Variants in LASP1 observed in about 807,000 individuals in gnomAD.
LASP1 encodes LIM and SH3 domain protein 1.
A neutral mutation model predicts 38.6 loss-of-function variants in LASP1; 10 were observed. That is an observed-to-expected ratio of 0.26 (90% CI 0.16 to 0.44). The LOEUF (loss-of-function observed/expected upper bound fraction) is 0.44. Among genes scored for constraint, LASP1 ranks in the 20% least tolerant of loss-of-function variants. LASP1 has a pLI of 1.00. For missense variants in LASP1, 243 were observed against 375.7 expected (o/e 0.65, Z 2.92); for synonymous variants, 132 against 140.8 (o/e 0.94, Z 0.44).
intron 2 of LASP1, among the ~76,000 whole-genome samples, chr17:38,881,698 T>C (rs1344078401): frequency 6.6e-6 from 1 of 152,180 alleles, no homozygotes; most frequent in Admixed American, 6.5e-5. Context: ...GCAGGACCCG[T>C]AGGGGCACGT....
chr17:38,908,440 C>T (rs1003842601), intron 4 of LASP1, among the ~76,000 whole-genome samples: 6 of 152,202 alleles, frequency 3.9e-5, no homozygotes, highest in South Asian at 2.1e-4. Context: ...GAGTGGGGCT[C>T]GGGAGACTCA....
At chr17:38,915,003 G>T in intron 5 of LASP1, 40 bp from the exon 6 acceptor site, 2 of 1,598,222 alleles carry the variant, frequency 1.3e-6, no homozygotes, top group Non-Finnish European at 1.7e-6. Context: ...GCTGGGTTTG[G>T]CAGGACAGTT....
At chr17:38,889,361 ACCTCGTGATCTG>A (rs1813133648) in intron 2 of LASP1, among the ~76,000 whole-genome samples, 1 of 151,964 alleles carries the variant, frequency 6.6e-6, no homozygotes, top group Non-Finnish European at 1.5e-5. Context: ...TGAACTCCTG[ACCTCGTGATCTG>A]CCCGCCTCGG....
chr17:38,870,166 C>T lies in LASP1; in HGVS notation c.-24C>T. 4 of 1,612,832 alleles carry T rather than the reference C, an allele frequency of 2.5e-6. No homozygotes were observed. The highest frequency in any genetic ancestry group is 3.4e-6 in the Non-Finnish European group (4 of 1,179,686). ...CAGGACGCGCGTGAGCTCAGGCGTC[C>T]CCGCCCCAGCTTTTCTCGGAACCAT... On this transcript the variant is annotated 5_prime_UTR_variant, in exon 1 of 7. Coordinates refer to ENST00000318008, the MANE Select transcript of LASP1 (RefSeq NM_006148.4).
Position 38,901,453 on chromosome 17 carries a change from G to A in LASP1, c.357+2934G>A, listed in dbSNP as rs535811841. Among the ~76,000 whole-genome samples, 42 of 152,346 alleles carry A rather than the reference G, an allele frequency of 2.8e-4. No homozygotes were observed. In the South Asian group the frequency reaches 8.7e-3, roughly 32 times the overall value. On this transcript the variant is annotated intron_variant, in intron 4 of 6. Transcript: ENST00000318008. ...TAGCAGAGACCTGTAGGGTGTGAATGCAAAGCCTGGAGACTCTTGGTTTTA... is the reference window on the plus strand; with the variant it reads ...TAGCAGAGACCTGTAGGGTGTGAATACAAAGCCTGGAGACTCTTGGTTTTA...
chr17:38,870,263 G>A lies in LASP1; in HGVS notation c.69+5G>A. 2 of 1,613,520 alleles carry A rather than the reference G, an allele frequency of 1.2e-6. No homozygotes were observed. The highest frequency in any genetic ancestry group is 1.7e-6 in the Non-Finnish European group (2 of 1,179,638). On this transcript the variant is annotated splice_donor_5th_base_variant and intron_variant, in intron 1 of 6. Coordinates refer to ENST00000318008, the MANE Select transcript of LASP1 (RefSeq NM_006148.4). ...AAGGTGAACTGTCTGGATAAGGTGA[G>A]CCCGGGACCGGGAGACGCGTCTTTG...
At chr17:38,893,086 G>T (rs1410925207) in intron 3 of LASP1, among the ~76,000 whole-genome samples, 1 of 152,242 alleles carries the variant, frequency 6.6e-6, no homozygotes, top group Non-Finnish European at 1.5e-5. Flanking sequence ...TGAAAGAGGG[G>T]CTCTTATTAT....
In LASP1 at chr17:38,914,356, G is replaced by A. The variant is rs199579508; in HGVS notation, c.389G>A (p.Arg130His). The A allele has an allele frequency of 1.3e-5, 21 of 1,611,520 alleles. No individual in the cohort carries two copies. In the Admixed American group the frequency reaches 1.3e-4, roughly 10 times the overall value. ...IKYHEEFEKSRMGPSGGEGME... is the reference protein window; with the variant it reads ...IKYHEEFEKSHMGPSGGEGME... ...TACCATGAGGAGTTTGAGAAGAGCCGCATGGGCCCTAGCGGGGGCGAGGGC... is the reference window on the plus strand; with the variant it reads ...TACCATGAGGAGTTTGAGAAGAGCCACATGGGCCCTAGCGGGGGCGAGGGC... Residue 130 changes from arginine to histidine, a missense_variant, in exon 5 of 7, where the codon CGC becomes CAC. Coordinates refer to ENST00000318008, the MANE Select transcript of LASP1 (RefSeq NM_006148.4).
chr17:38,888,985 G>A, intron 2 of LASP1, among the ~76,000 whole-genome samples: 1 of 152,220 alleles, frequency 6.6e-6, no homozygotes, highest in Non-Finnish European at 1.5e-5. Context: ...TGGCCATGTT[G>A]TTTAACCTCT....
At chr17:38,898,817 T>C (rs1400264242) in intron 4 of LASP1, 1 of 494,436 alleles carries the variant, frequency 2.0e-6, no homozygotes, top group South Asian at 1.5e-5. Context: ...ATATCGTGGG[T>C]ATCGGTGAAG....
At chr17:38,895,370 G>C (rs888882949) in intron 3 of LASP1, among the ~76,000 whole-genome samples, 1 of 151,704 alleles carries the variant, frequency 6.6e-6, no homozygotes, top group Non-Finnish European at 1.5e-5. Flanking sequence ...GCCCAGCCTG[G>C]AGTACAGTGT....
intron 2 of LASP1, among the ~76,000 whole-genome samples, chr17:38,884,783 CG>C (rs1914066114): frequency 6.8e-6 from 1 of 146,560 alleles, no homozygotes; most frequent in African/African-American, 2.5e-5. Context: ...CTCCGCTTCC[CG>C]GGTTCAAGGG....
At chr17:38,903,587 G>A (rs1914701711) in intron 4 of LASP1, 2 of 152,106 alleles carry the variant, frequency 1.3e-5, no homozygotes, top group African/African-American at 2.4e-5. Context: ...GTGTAGTCAC[G>A]TGATCACAGC....
intron 4 of LASP1, among the ~76,000 whole-genome samples, chr17:38,901,463 G>A (rs193035942): frequency 6.6e-6 from 1 of 152,342 alleles, no homozygotes; most frequent in Non-Finnish European, 1.5e-5. Context: ...GCAAAGCCTG[G>A]AGACTCTTGG....
chr17:38,880,720 G>A (rs1047233211), intron 2 of LASP1, among the ~76,000 whole-genome samples: 1 of 152,220 alleles, frequency 6.6e-6, no homozygotes, highest in Non-Finnish European at 1.5e-5. Flanking sequence ...GAAGTTACCC[G>A]TGGGGATTCT....
At chr17:38,913,517 G>T (rs1458286765) in intron 4 of LASP1, among the ~76,000 whole-genome samples, 1 of 152,124 alleles carries the variant, frequency 6.6e-6, no homozygotes, top group Non-Finnish European at 1.5e-5. Flanking sequence ...CAATCCCTTC[G>T]CTTCCTTCTT....
chr17:38,889,234 G>T (rs548829923), intron 2 of LASP1, among the ~76,000 whole-genome samples: 1 of 152,266 alleles, frequency 6.6e-6, no homozygotes, highest in African/African-American at 2.4e-5. Flanking sequence ...GAGTTCAAGC[G>T]ATTCTCCTGC....
At chr17:38,887,698 A>G (rs1914182632) in intron 2 of LASP1, among the ~76,000 whole-genome samples, 1 of 152,144 alleles carries the variant, frequency 6.6e-6, no homozygotes, top group South Asian at 2.1e-4. Flanking sequence ...GCCCAAGGGA[A>G]AAAGGATTTG....
intron 4 of LASP1, among the ~76,000 whole-genome samples, chr17:38,906,455 G>A (rs1292867394): frequency 6.6e-6 from 1 of 152,088 alleles, no homozygotes; most frequent in Non-Finnish European, 1.5e-5. Context: ...GTTGAACTTG[G>A]AAGGTGGAGG....
Sources: allele counts gnomAD v4.1 joint callset (sites outside exome capture counted in the v4.1 genomes callset), GRCh38; gene constraint gnomAD v4.1.1; transcripts MANE v1.5; gene names NCBI Gene and HGNC (gene_info 2026-07-23, HGNC 2026-07-21).